Variants in CRY2 observed in about 807,000 individuals in gnomAD.
CRY2 encodes cryptochrome-2.
CRY2 carries 31 observed loss-of-function variants against 69.5 expected under a neutral mutation model. The ratio of observed to expected loss-of-function variants is 0.45; its 90% CI spans 0.34 to 0.60. The LOEUF is 0.60. Ranked by LOEUF, CRY2 falls within the 20% of genes least tolerant of loss-of-function variation. The probability of loss-of-function intolerance (pLI) is 0.02; values close to 1 mark genes in which losing one functional copy is unlikely to be tolerated. For synonymous variants in CRY2, 303 were observed against 312.2 expected, an observed-to-expected ratio of 0.97 and a Z score of 0.31; for missense variants, 606 against 797.8, an observed-to-expected ratio of 0.76 and a Z score of 2.90.
chr11:45,878,441 G>A (rs995088723), intron 11 of CRY2, among the ~76,000 whole-genome samples: 4 of 152,148 alleles, frequency 2.6e-5, no homozygotes, highest in Non-Finnish European at 4.4e-5. Flanking sequence ...CAGAAGAATA[G>A]CCATCTCTTT....
chr11:45,867,567 T>C (rs781326554), intron 5 of CRY2, 45 bp from the exon 6 acceptor site: 175 of 1,611,270 alleles, frequency 1.1e-4, no homozygotes, highest in Non-Finnish European at 1.4e-4. Context: ...TTTTCCTCTG[T>C]TACATCCAAG....
At chr11:45,849,013 G>A (rs1396059237) in intron 1 of CRY2, among the ~76,000 whole-genome samples, 1 of 152,170 alleles carries the variant, frequency 6.6e-6, no homozygotes, top group Non-Finnish European at 1.5e-5. Flanking sequence ...TCCCTAGTGT[G>A]CACATTAAGC....
chr11:45,861,787 G>T, intron 4 of CRY2: 1 of 425,210 alleles, frequency 2.4e-6, no homozygotes. Flanking sequence ...GAAAACCACA[G>T]TTGTTGCCAG....
At chr11:45,880,814 C>T (rs1371296592) in intron 11 of CRY2, 100 bp from the exon 12 acceptor site, 2 of 152,304 alleles carry the variant, frequency 1.3e-5, no homozygotes, top group Non-Finnish European at 1.5e-5. Flanking sequence ...TCTCAGGTCC[C>T]GCTCTGAATG....
chr11:45,847,361 G>T, upstream of CRY2: 1 of 1,598,898 alleles, frequency 6.3e-7, no homozygotes, highest in South Asian at 1.1e-5. Context: ...AATGGCAGAG[G>T]GGCTCTGGGG....
At chr11:45,851,455 G>A (rs1456101592) in intron 1 of CRY2, among the ~76,000 whole-genome samples, 1 of 152,194 alleles carries the variant, frequency 6.6e-6, no homozygotes, top group Non-Finnish European at 1.5e-5. Flanking sequence ...GCTGAACACT[G>A]TTGGACTGTT....
chr11:45,882,707 AAG>A lies in CRY2; in HGVS notation c.*1800_*1801del, dbSNP rs1349421719. ...GTTCCCTCAGCCCCAGTCGAGAGGA[AAG>A]AGAATCGGGCCACTGCCAGAAAGAG... On this transcript the variant is annotated 3_prime_UTR_variant, in exon 12 of 12. Transcript: ENST00000616080. 43 of 398,924 alleles carry A rather than the reference AAG, an allele frequency of 1.1e-4. No homozygotes were observed. The highest frequency in any genetic ancestry group is 8.4e-4 in the African/African-American group (41 of 48,772). 24.7% of individuals were successfully genotyped at this position (398,924 alleles called of 1,614,324 possible).
intron 5 of CRY2, 80 bp from the exon 6 acceptor site, chr11:45,867,532 T>TA: frequency 6.3e-7 from 1 of 1,576,246 alleles, no homozygotes. Context: ...GTAGGCAGAT[T>TA]CCTTAACCAC....
In CRY2 at chr11:45,870,530, T is replaced by C; in HGVS notation, c.1547T>C (p.Leu516Pro). ...IYQQLSRYRG[L>P]CLLASVPSCV... ...CAGCAGCTTTCGCGCTACCGGGGAC[T>C]CTGTAAGGAGACAAACACCTAGCTC... The change falls in exon 9 of 12, where the codon CTC becomes CCC. Residue 516 changes from leucine to proline, a missense_variant and splice_region_variant. Leu to Pro is a moderately conservative substitution (Grantham distance 98, BLOSUM62 -3). Transcript: ENST00000616080. 1 of 1,613,912 alleles carries C rather than the reference T, an allele frequency of 6.2e-7. No homozygotes were observed. The highest frequency in any genetic ancestry group is 8.5e-7 in the Non-Finnish European group (1 of 1,179,954).
chr11:45,878,690 A>AG (rs1309147285), intron 11 of CRY2, among the ~76,000 whole-genome samples: 1 of 152,114 alleles, frequency 6.6e-6, no homozygotes, highest in African/African-American at 2.4e-5. Context: ...TGGGAGGCTG[A>AG]GGGGGGCGGA....
chr11:45,865,802 G>A (rs772761761), intron 5 of CRY2, among the ~76,000 whole-genome samples: 10 of 152,358 alleles, frequency 6.6e-5, no homozygotes, highest in Non-Finnish European at 1.3e-4. Context: ...AGCCACAGAA[G>A]CTTTCATGAA....
chr11:45,865,993 C>G (rs2086327995), intron 5 of CRY2, among the ~76,000 whole-genome samples: 1 of 152,154 alleles, frequency 6.6e-6, no homozygotes, highest in Non-Finnish European at 1.5e-5. Context: ...TTAGCCTGAA[C>G]CAGGTTGGTG....
chr11:45,875,141 A>C (rs1214670685), intron 11 of CRY2, among the ~76,000 whole-genome samples: 2 of 152,206 alleles, frequency 1.3e-5, no homozygotes, highest in Non-Finnish European at 2.9e-5. Flanking sequence ...TCCTGAACAC[A>C]TTTTAGGTTC....
chr11:45,860,911 C>G lies in CRY2; in HGVS notation c.531C>G (p.Ser177Arg), dbSNP rs979343941. 1.9e-6 allele frequency: 3 copies of G among 1,614,054 alleles called. No homozygotes were observed. The African/African-American group carries it at 4.0e-5, about 22-fold the overall frequency. The change falls in exon 4 of 12, where the codon AGC (serine) becomes AGG (arginine). Residue 177 changes from serine (S) to arginine (R), a missense_variant. Physicochemically the swap from Ser to Arg is moderately radical, Grantham distance 110 (BLOSUM62 -1). Around this residue, in one of 5 missense-constraint regions of CRY2, gnomAD observed 382 missense variants for 508.9 expected, o/e 0.75. Coordinates refer to ENST00000616080, the MANE Select transcript of CRY2 (RefSeq NM_021117.5). ...ACAAGCGCTTTCAGGCCATCATCAG[C>G]CGCATGGAGCTGCCCAAGAAGCCAG... is the stretch of plus-strand genomic sequence containing the variant. ...LTYKRFQAIISRMELPKKPVG... is the reference protein window; with the variant it reads ...LTYKRFQAIIRRMELPKKPVG...
chr11:45,862,337 T>C (rs1248917549), intron 5 of CRY2, among the ~76,000 whole-genome samples, 189 bp downstream of exon 5: 3 of 152,252 alleles, frequency 2.0e-5, no homozygotes, highest in Non-Finnish European at 1.5e-5. Flanking sequence ...GTACTTACCA[T>C]GTGCTGGTCA....
intron 2 of CRY2, among the ~76,000 whole-genome samples, chr11:45,857,615 G>A (rs2134632930): frequency 1.3e-5 from 2 of 152,260 alleles, no homozygotes; most frequent in South Asian, 4.1e-4. Flanking sequence ...CACTAATAGG[G>A]GAAACAGGCA....
chr11:45,874,144 G>A (rs921499946), intron 11 of CRY2, among the ~76,000 whole-genome samples: 1 of 152,094 alleles, frequency 6.6e-6, no homozygotes, highest in Non-Finnish European at 1.5e-5. Flanking sequence ...AGCTGGCATG[G>A]TGACGTATGC....
At position 45,847,682 on chromosome 11, in the gene CRY2, C is replaced by T. The variant is rs1055250019; in HGVS notation, c.192C>T (p.Ser64=). Residue 64 remains serine (S), a synonymous_variant, in exon 1 of 12, where the codon TCC becomes TCT. Transcript: ENST00000616080. ...TCGACCCGTGGTTCGCGGCCTCCTC[C>T]TCAGTCGGGATCAACCGATGGAGGT... The part of the protein sequence containing the change: ...YILDPWFAAS[S]SVGINRWRFL... 1.9e-6 allele frequency: 3 copies of T among 1,581,198 alleles called. No homozygotes were observed. The highest frequency in any genetic ancestry group is 3.6e-5 in the Admixed American group (2 of 55,330).
Position 45,870,095 on chromosome 11 carries a change from G to A in CRY2, c.1237G>A (p.Ala413Thr), listed in dbSNP as rs1217929651. The A allele has an allele frequency of 1.2e-5, 20 of 1,612,344 alleles. No individual in the cohort carries two copies. Among genetic ancestry groups the A allele is most frequent in the Middle Eastern group, 1.7e-4 (1 of 6,034 alleles). ...CCTGGATGCAGATTTCAGCGTGAAC[G>A]CAGGCAGCTGGATGTGGCTGTCCTG... ...LLLDADFSVN[A>T]GSWMWLSCSA... The change falls in exon 8 of 12, where the codon GCA (alanine) becomes ACA (threonine). Residue 413 changes from alanine (A) to threonine (T), a missense_variant. Coordinates refer to ENST00000616080, the MANE Select transcript of CRY2 (RefSeq NM_021117.5).
Sources: allele counts gnomAD v4.1 joint callset (sites outside exome capture counted in the v4.1 genomes callset), GRCh38; gene constraint gnomAD v4.1.1; regional missense constraint gnomAD v4.1.1; transcripts MANE v1.5; gene names NCBI Gene and HGNC (gene_info 2026-07-23, HGNC 2026-07-21).